The following PXDNL variants were observed in gnomAD, a reference collection of about 807,000 sequenced individuals.
The protein encoded by PXDNL is probable oxidoreductase PXDNL.
In PXDNL, 145 loss-of-function variants were observed where a neutral mutation model predicts 150.8. The ratio of observed to expected loss-of-function variants is 0.96; its 90% CI spans 0.84 to 1.10. The LOEUF is 1.10. PXDNL is among the 50% of genes least tolerant of loss of function. The pLI, the probability that PXDNL is intolerant of heterozygous loss-of-function variation, is 0.00. For synonymous variants in PXDNL, 757 were observed against 725.7 expected (o/e 1.04, Z -0.69); for missense variants, 2,087 against 1,873.9 (o/e 1.11, Z -2.10).
chr8:51,440,269 G>A (rs1364495116), intron 12 of PXDNL, among the ~76,000 whole-genome samples: 1 of 152,172 alleles, frequency 6.6e-6, no homozygotes, highest in Admixed American at 6.5e-5. Context: ...GGACTTTGGG[G>A]ATTCGGGGGA....
chr8:51,381,336 T>C (rs907034776), intron 17 of PXDNL, among the ~76,000 whole-genome samples: 7 of 152,192 alleles, frequency 4.6e-5, no homozygotes, highest in African/African-American at 1.7e-4. Context: ...CTCTTTATTG[T>C]TCTGTGTCTT....
At chr8:51,785,462 T>G (rs760540265) in intron 1 of PXDNL, among the ~76,000 whole-genome samples, 1 of 152,244 alleles carries the variant, frequency 6.6e-6, no homozygotes. Flanking sequence ...CCTGAAGGTC[T>G]GTGGCAACCC....
chr8:51,760,224 G>C (rs1272501160), intron 1 of PXDNL, among the ~76,000 whole-genome samples: 1 of 152,172 alleles, frequency 6.6e-6, no homozygotes, highest in Non-Finnish European at 1.5e-5. Context: ...ACAAGTACAA[G>C]TTAAGTTTCA....
chr8:51,569,689 C>A (rs1812892146), intron 3 of PXDNL, among the ~76,000 whole-genome samples: 1 of 151,538 alleles, frequency 6.6e-6, no homozygotes, highest in South Asian at 2.1e-4. Context: ...ATATTTTTTT[C>A]AAATCATTCA....
intron 1 of PXDNL, among the ~76,000 whole-genome samples, chr8:51,703,744 A>T (rs754172379): frequency 6.6e-6 from 1 of 152,168 alleles, no homozygotes; most frequent in African/African-American, 2.4e-5. Context: ...ATTTAATTTA[A>T]TGTGTTCATA....
At chr8:51,508,370 G>C (rs937932355) in intron 4 of PXDNL, among the ~76,000 whole-genome samples, 2 of 152,232 alleles carry the variant, frequency 1.3e-5, no homozygotes, top group Admixed American at 1.3e-4. Flanking sequence ...GCAGGACAAG[G>C]AGCTCAGCTC....
intron 12 of PXDNL, among the ~76,000 whole-genome samples, chr8:51,439,210 A>T (rs147845169): frequency 5.3e-5 from 8 of 152,326 alleles, no homozygotes; most frequent in Non-Finnish European, 7.3e-5. Flanking sequence ...TCTACAAGGA[A>T]ATCAAACAAA....
At chr8:51,722,005 T>C (rs1268761062) in intron 1 of PXDNL, 2 of 211,706 alleles carry the variant, frequency 9.4e-6, no homozygotes, top group African/African-American at 4.7e-5. Flanking sequence ...GAGATAGTGT[T>C]TACCCCTAAC....
At chr8:51,395,013 C>A (rs571228054) in intron 17 of PXDNL, among the ~76,000 whole-genome samples, 1 of 152,282 alleles carries the variant, frequency 6.6e-6, no homozygotes, top group Non-Finnish European at 1.5e-5. Flanking sequence ...TGAGATATAA[C>A]CTGCTCAAAG....
intron 4 of PXDNL, among the ~76,000 whole-genome samples, chr8:51,543,710 CAA>C (rs572642373): frequency 8.3e-5 from 5 of 60,426 alleles, no homozygotes; most frequent in African/African-American, 1.4e-4. Flanking sequence ...GACTCCATAT[CAA>C]AAAAAAAAAA....
chr8:51,712,456 T>C (rs1441853636), intron 1 of PXDNL, among the ~76,000 whole-genome samples: 1 of 152,222 alleles, frequency 6.6e-6, no homozygotes, highest in Non-Finnish European at 1.5e-5. Context: ...TGTATTTTCT[T>C]TCTCTCTCTG....
intron 3 of PXDNL, among the ~76,000 whole-genome samples, chr8:51,585,671 G>C (rs1159904332): frequency 6.6e-6 from 1 of 152,062 alleles, no homozygotes; most frequent in Non-Finnish European, 1.5e-5. Context: ...CAGAAAGCTT[G>C]GCACACAAAC....
rs182013560 is a variant in PXDNL at position 51,369,977 on chromosome 8, G to A, written c.3901+1896C>T. On this transcript the variant is annotated intron_variant, in intron 19 of 22. Transcript: ENST00000356297. Reference sequence around the variant, plus strand: ...GAGGGCAGCAGAGGAACTGCCCTTGGTGGGGGCCTGCTCACTGTCTCTGTG... The same window carrying A: ...GAGGGCAGCAGAGGAACTGCCCTTGATGGGGGCCTGCTCACTGTCTCTGTG... 2.6e-3 allele frequency among the ~76,000 whole-genome samples: 389 copies of A among 152,290 alleles called. 1 individual carries two copies. The highest frequency in any genetic ancestry group is 8.2e-3 in the African/African-American group (341 of 41,550).
intron 4 of PXDNL, among the ~76,000 whole-genome samples, chr8:51,507,901 T>C (rs1016434343): frequency 5.9e-5 from 9 of 152,324 alleles, no homozygotes; most frequent in African/African-American, 2.2e-4. Flanking sequence ...ACACCTGAGC[T>C]ACAGCCTGCT....
Position 51,627,098 on chromosome 8 carries a change from A to G in PXDNL, c.236+27591T>C, listed in dbSNP as rs565265071. On this transcript the variant is annotated intron_variant, in intron 2 of 22. Coordinates refer to ENST00000356297, the MANE Select transcript of PXDNL (RefSeq NM_144651.5). The stretch of plus-strand genomic sequence containing the variant: ...ATATTTTTGATTTGGGTAATTATAA[A>G]TGGTATATTTTCCTGAAACAAATTA... Among the ~76,000 whole-genome samples the G allele has an allele frequency of 3.9e-5, 6 of 152,346 alleles. No individual in the cohort carries two copies. The East Asian group carries it at 1.2e-3, about 29-fold the overall frequency.
intron 2 of PXDNL, among the ~76,000 whole-genome samples, chr8:51,608,015 A>AAGAAAG (rs1554557488): frequency 7.5e-5 from 5 of 66,392 alleles, no homozygotes; most frequent in South Asian, 5.1e-4. Flanking sequence ...GAAAGAAAGA[A>AAGAAAG]AGAAAGAAAG....
intron 2 of PXDNL, among the ~76,000 whole-genome samples, chr8:51,628,248 G>C (rs1437976504): frequency 1.3e-5 from 2 of 152,050 alleles, no homozygotes; most frequent in African/African-American, 4.8e-5. Flanking sequence ...GACTGAGACA[G>C]AGTTGTAAAT....
In PXDNL at chr8:51,426,703, A is replaced by G; in HGVS notation, c.1581T>C (p.Asn527=). The G allele has an allele frequency of 3.1e-6, 5 of 1,608,922 alleles. No homozygotes were observed. Among genetic ancestry groups the G allele is most frequent in the Non-Finnish European group, 4.2e-6 (5 of 1,177,180 alleles). ...PQDTSVEVGK[N]INISCHAQGE... Reference sequence around the variant, plus strand: ...CTTGAGCATGACATGAAATGTTTATATTCTTTCCAACCTCGACACTTGTAT... The same window carrying G: ...CTTGAGCATGACATGAAATGTTTATGTTCTTTCCAACCTCGACACTTGTAT... Residue 527 remains asparagine (N), a synonymous_variant, in exon 13 of 23, where the codon AAT becomes AAC. Transcript: ENST00000356297.
At chr8:51,399,143 T>C (rs2130858564) in intron 17 of PXDNL, among the ~76,000 whole-genome samples, 1 of 152,248 alleles carries the variant, frequency 6.6e-6, no homozygotes, top group South Asian at 2.1e-4. Flanking sequence ...GAGTGAATAA[T>C]ATTACAACCA....
Sources: gnomAD v4.1 joint callset for allele counts (sites outside exome capture counted in the v4.1 genomes callset) on GRCh38, gnomAD v4.1.1 for gene constraint, MANE v1.5 for transcripts, NCBI Gene and HGNC (gene_info 2026-07-23, HGNC 2026-07-21) for gene names.